LINGO2: variants seen among roughly 807,000 people sequenced by gnomAD.
The protein encoded by LINGO2 is leucine-rich repeat and immunoglobulin-like domain-containing nogo receptor-interacting protein 2.
LINGO2 carries 14 observed loss-of-function variants against 30.6 expected under a neutral mutation model. That is an observed-to-expected ratio of 0.46 (90% confidence interval 0.30 to 0.72). The LOEUF is 0.72. Among genes scored for constraint, LINGO2 ranks in the 30% least tolerant of loss-of-function variants. The probability of loss-of-function intolerance (pLI) is 0.07; values close to 1 mark genes in which losing one functional copy is unlikely to be tolerated. For missense variants in LINGO2, 729 were observed against 751.7 expected, an observed-to-expected ratio of 0.97 and a Z score of 0.35; for synonymous variants, 317 against 288.5, an observed-to-expected ratio of 1.10 and a Z score of -1.00.
chr9:27,997,104 T>C (rs975940211), intron 5 of LINGO2, among the ~76,000 whole-genome samples: 1 of 152,292 alleles, frequency 6.6e-6, no homozygotes, highest in Non-Finnish European at 1.5e-5. Flanking sequence ...ATACCATCAG[T>C]TACTTCTGAC....
chr9:29,167,325 T>C, the LINGO2 span, among the ~76,000 whole-genome samples: 1 of 152,256 alleles, frequency 6.6e-6, no homozygotes, highest in African/African-American at 2.4e-5. Context: ...GCAGGAAATG[T>C]AGCACTTCTG....
At chr9:28,709,416 T>C in the LINGO2 span, among the ~76,000 whole-genome samples, 1 of 152,036 alleles carries the variant, frequency 6.6e-6, no homozygotes, top group Non-Finnish European at 1.5e-5. Flanking sequence ...TGGTTTGTTG[T>C]TTTTTGAATT....
the LINGO2 span, among the ~76,000 whole-genome samples, chr9:28,839,742 T>A: frequency 6.6e-6 from 1 of 152,160 alleles, no homozygotes; most frequent in African/African-American, 2.4e-5. Context: ...TTGGTCTGCG[T>A]ACGTGGCAGT....
chr9:28,666,107 G>A (rs369710955), intron 1 of LINGO2, among the ~76,000 whole-genome samples: 77 of 152,056 alleles, frequency 5.1e-4, no homozygotes, highest in African/African-American at 1.3e-3. Flanking sequence ...GGCCAGGCTG[G>A]TCTCGAACTC....
chr9:28,124,040 A>T (rs1827172110), intron 4 of LINGO2, among the ~76,000 whole-genome samples: 1 of 152,158 alleles, frequency 6.6e-6, no homozygotes, highest in Non-Finnish European at 1.5e-5. Flanking sequence ...TATTTTTGAT[A>T]ATAGAAAACA....
At chr9:28,769,573 G>C in the LINGO2 span, among the ~76,000 whole-genome samples, 1 of 109,782 alleles carries the variant, frequency 9.1e-6, no homozygotes. Context: ...TTTTTCATTT[G>C]CAAGTTCATA....
chr9:28,437,587 ACACACC>A (rs1327097569), intron 2 of LINGO2, among the ~76,000 whole-genome samples: 1 of 149,094 alleles, frequency 6.7e-6, no homozygotes, highest in Non-Finnish European at 1.5e-5. Flanking sequence ...AGACGCGCAC[ACACACC>A]CACACACACA....
intron 4 of LINGO2, among the ~76,000 whole-genome samples, chr9:28,234,245 C>G (rs545965791): frequency 5.9e-5 from 9 of 152,244 alleles, no homozygotes; most frequent in Middle Eastern, 3.4e-3. Flanking sequence ...GCATTCACCA[C>G]AAGCTGACAG....
intron 3 of LINGO2, among the ~76,000 whole-genome samples, chr9:28,319,226 T>C (rs1157624161): frequency 6.6e-6 from 1 of 152,158 alleles, no homozygotes; most frequent in Non-Finnish European, 1.5e-5. Flanking sequence ...GTAATAGGGA[T>C]GGCCACCCAC....
the LINGO2 span, among the ~76,000 whole-genome samples, chr9:29,132,602 C>G: frequency 6.6e-6 from 1 of 152,118 alleles, no homozygotes; most frequent in Non-Finnish European, 1.5e-5. Flanking sequence ...CTTGCTGGAG[C>G]CTTCCCCCAC....
chr9:29,028,279 A>C, the LINGO2 span, among the ~76,000 whole-genome samples: 3 of 152,160 alleles, frequency 2.0e-5, no homozygotes, highest in Non-Finnish European at 4.4e-5. Context: ...TCTCATATAA[A>C]ATATATAGAA....
At chr9:28,309,252 A>G (rs1023716274) in intron 3 of LINGO2, among the ~76,000 whole-genome samples, 7 of 152,228 alleles carry the variant, frequency 4.6e-5, no homozygotes, top group African/African-American at 7.2e-5. Flanking sequence ...CTACGCAGCC[A>G]TAAAAAATGA....
intron 5 of LINGO2, among the ~76,000 whole-genome samples, chr9:27,996,693 G>A (rs1821680298): frequency 6.6e-6 from 1 of 152,116 alleles, no homozygotes; most frequent in Non-Finnish European, 1.5e-5. Flanking sequence ...GTGTCCAATA[G>A]CACAATAGGG....
intron 2 of LINGO2, among the ~76,000 whole-genome samples, chr9:28,461,310 C>T (rs1382265284): frequency 6.6e-6 from 1 of 152,142 alleles, no homozygotes; most frequent in Non-Finnish European, 1.5e-5. Flanking sequence ...AGTATTTTCA[C>T]AGTCTCAGTG....
chr9:28,327,714 C>A (rs754390972), intron 3 of LINGO2, among the ~76,000 whole-genome samples: 13 of 152,072 alleles, frequency 8.5e-5, no homozygotes, highest in Non-Finnish European at 1.0e-4. Flanking sequence ...CTTTGTATGG[C>A]AATAAAACAG....
intron 4 of LINGO2, among the ~76,000 whole-genome samples, chr9:28,235,359 C>A (rs1198086707): frequency 1.3e-5 from 2 of 152,012 alleles, no homozygotes; most frequent in Non-Finnish European, 1.5e-5. Context: ...GAAAGCCTCC[C>A]CAGGAAGGAC....
the LINGO2 span, among the ~76,000 whole-genome samples, chr9:29,147,031 ATT>A: frequency 6.6e-6 from 1 of 152,148 alleles, no homozygotes; most frequent in Non-Finnish European, 1.5e-5. Context: ...GCATCTGAAC[ATT>A]TGCTGTAGTT....
the LINGO2 span, among the ~76,000 whole-genome samples, chr9:29,169,476 A>T: frequency 8.5e-5 from 13 of 152,164 alleles, no homozygotes; most frequent in Admixed American, 4.6e-4. Context: ...AGACATACAC[A>T]GACATTCTTC....
At chr9:29,185,578 T>C in the LINGO2 span, among the ~76,000 whole-genome samples, 8 of 152,324 alleles carry the variant, frequency 5.3e-5, no homozygotes, top group East Asian at 1.4e-3. Context: ...AAAATCAATT[T>C]ACATTTTGCA....
Sources: allele counts gnomAD v4.1 joint callset (sites outside exome capture counted in the v4.1 genomes callset), GRCh38; gene constraint gnomAD v4.1.1; transcripts MANE v1.5; gene names NCBI Gene and HGNC (gene_info 2026-07-23, HGNC 2026-07-21).